The following TOX variants were observed in gnomAD, a reference collection of about 807,000 sequenced individuals.
TOX encodes the protein thymocyte selection-associated high mobility group box protein TOX.
TOX carries 11 observed loss-of-function variants against 53.7 expected under a neutral mutation model. That is an observed-to-expected ratio of 0.20 (90% CI 0.13 to 0.34). TOX has a LOEUF of 0.34. Ranked by LOEUF, TOX falls within the 10% of genes least tolerant of loss-of-function variation. The probability of loss-of-function intolerance (pLI) is 1.00; values close to 1 mark genes in which losing one functional copy is unlikely to be tolerated. For missense variants in TOX, 570 were observed against 664.6 expected (o/e 0.86, Z 1.56); for synonymous variants, 225 against 245.3 (o/e 0.92, Z 0.77).
At chr8:58,944,164 T>C (rs547658518) in intron 2 of TOX, among the ~76,000 whole-genome samples, 233 of 152,278 alleles carry the variant, frequency 1.5e-3, no homozygotes, top group African/African-American at 5.3e-3. Flanking sequence ...ACAGGACTCT[T>C]GTGTTCCAGC....
At chr8:58,841,244 A>G (rs1022550615) in intron 4 of TOX, among the ~76,000 whole-genome samples, 3 of 152,188 alleles carry the variant, frequency 2.0e-5, no homozygotes, top group African/African-American at 7.2e-5. Flanking sequence ...CATAGCACGT[A>G]TCAAGCTTGT....
intron 1 of TOX, among the ~76,000 whole-genome samples, chr8:59,028,505 A>G (rs1473973048): frequency 1.3e-5 from 2 of 152,156 alleles, no homozygotes; most frequent in Non-Finnish European, 2.9e-5. Flanking sequence ...GGAAGATCTA[A>G]TATATAGACA....
chr8:58,982,299 C>G (rs1813220615), intron 1 of TOX, among the ~76,000 whole-genome samples: 2 of 152,206 alleles, frequency 1.3e-5, no homozygotes, highest in Admixed American at 6.5e-5. Context: ...TGAGTGCTCC[C>G]CAGAGGAATG....
intron 5 of TOX, among the ~76,000 whole-genome samples, chr8:58,828,728 GAC>G (rs1480186930): frequency 6.6e-6 from 1 of 151,740 alleles, no homozygotes; most frequent in Non-Finnish European, 1.5e-5. Context: ...TTTTTTGAGA[GAC>G]AGATTTCTGT....
At chr8:58,858,184 C>T (rs1261550122) in intron 3 of TOX, among the ~76,000 whole-genome samples, 2 of 151,994 alleles carry the variant, frequency 1.3e-5, no homozygotes, top group Admixed American at 1.3e-4. Flanking sequence ...AAAAAAAAAT[C>T]CTTGGAATAA....
intron 4 of TOX, among the ~76,000 whole-genome samples, chr8:58,843,499 C>T (rs1563367920): frequency 6.6e-6 from 1 of 152,098 alleles, no homozygotes; most frequent in Non-Finnish European, 1.5e-5. Flanking sequence ...ATAAAATGTA[C>T]TTTGGAGGGA....
chr8:59,019,584 G>A (rs915036174), intron 1 of TOX, among the ~76,000 whole-genome samples: 34 of 152,150 alleles, frequency 2.2e-4, no homozygotes, highest in Non-Finnish European at 4.4e-4. Flanking sequence ...TTTAATTTGT[G>A]TCTCAATTGA....
At chr8:58,932,319 T>A (rs1018744212) in intron 3 of TOX, among the ~76,000 whole-genome samples, 1 of 152,084 alleles carries the variant, frequency 6.6e-6, no homozygotes, top group Non-Finnish European at 1.5e-5. Context: ...AAACATTTGA[T>A]GAATTGTGGC....
At chr8:59,078,347 G>A (rs1240117695) in intron 1 of TOX, among the ~76,000 whole-genome samples, 2 of 152,138 alleles carry the variant, frequency 1.3e-5, no homozygotes, top group African/African-American at 4.8e-5. Flanking sequence ...CTGGAGGTGG[G>A]GCCTGGTAGG....
intron 1 of TOX, among the ~76,000 whole-genome samples, chr8:59,049,614 A>G (rs1332670375): frequency 6.6e-6 from 1 of 152,210 alleles, no homozygotes; most frequent in Non-Finnish European, 1.5e-5. Flanking sequence ...TGAAAACAGC[A>G]GTATGGTGAA....
At chr8:59,030,656 A>G (rs761126899) in intron 1 of TOX, among the ~76,000 whole-genome samples, 2 of 152,196 alleles carry the variant, frequency 1.3e-5, no homozygotes, top group Non-Finnish European at 2.9e-5. Context: ...CCTTGGTAAC[A>G]TCTAGGTTAC....
chr8:58,898,689 C>T (rs1811688297), intron 3 of TOX, among the ~76,000 whole-genome samples: 1 of 152,122 alleles, frequency 6.6e-6, no homozygotes, highest in Admixed American at 6.6e-5. Flanking sequence ...CTTCCCAACC[C>T]AGTTTCTTCT....
intron 1 of TOX, among the ~76,000 whole-genome samples, chr8:59,080,048 T>A (rs372299238): frequency 1.3e-5 from 2 of 151,710 alleles, no homozygotes; most frequent in South Asian, 4.2e-4. Flanking sequence ...AGTGGTGTGA[T>A]CTTGGCTCAC....
At chr8:58,982,771 T>C (rs1813228413) in intron 1 of TOX, among the ~76,000 whole-genome samples, 1 of 152,202 alleles carries the variant, frequency 6.6e-6, no homozygotes, top group Non-Finnish European at 1.5e-5. Flanking sequence ...GTCCTTAAGT[T>C]ATAGCCTTGA....
intron 1 of TOX, among the ~76,000 whole-genome samples, chr8:59,020,673 A>G (rs1814107480): frequency 6.6e-6 from 1 of 152,132 alleles, no homozygotes; most frequent in South Asian, 2.1e-4. Context: ...CGTTGCCTTT[A>G]CATACCATGT....
rs1421229946 is a variant in TOX, at chr8:59,114,324, A to G, written c.102+4562T>C. Among the ~76,000 whole-genome samples, 9 of 152,242 alleles carry G rather than the reference A, an allele frequency of 5.9e-5. No homozygotes were observed. The South Asian group carries it at 1.9e-3, about 31-fold the overall frequency. On this transcript the variant is annotated intron_variant, in intron 1 of 8. Transcript: ENST00000361421. ...TAAAAATAACATCAGATCCCTCTAT[A>G]GCTCATACTTATAACTTTGTTTGCA...
chr8:58,926,617 C>T (rs1423392662), intron 3 of TOX, among the ~76,000 whole-genome samples: 1 of 152,162 alleles, frequency 6.6e-6, no homozygotes, highest in African/African-American at 2.4e-5. Flanking sequence ...ACCTACTATT[C>T]TTGGCAAGCT....
intron 1 of TOX, among the ~76,000 whole-genome samples, chr8:59,071,100 C>T (rs1804191141): frequency 6.6e-6 from 1 of 152,132 alleles, no homozygotes; most frequent in South Asian, 2.1e-4. Flanking sequence ...CCTGCTTCTA[C>T]AATAATCGTG....
intron 1 of TOX, among the ~76,000 whole-genome samples, chr8:59,109,255 AC>A (rs1804969548): frequency 6.6e-6 from 1 of 152,082 alleles, no homozygotes; most frequent in Non-Finnish European, 1.5e-5. Flanking sequence ...GGCTATAACA[AC>A]CCGACACTAA....
Sources: allele counts gnomAD v4.1 joint callset (sites outside exome capture counted in the v4.1 genomes callset), GRCh38; gene constraint gnomAD v4.1.1; transcripts MANE v1.5; gene names NCBI Gene and HGNC (gene_info 2026-07-23, HGNC 2026-07-21).